LRIG1: variants seen among roughly 807,000 people sequenced by gnomAD.
LRIG1 encodes the protein leucine-rich repeats and immunoglobulin-like domains protein 1.
LRIG1 carries 48 observed loss-of-function variants against 99.2 expected under a neutral mutation model. That is an observed-to-expected ratio of 0.48 (90% CI 0.38 to 0.62). LRIG1 has a LOEUF of 0.62. Among genes scored for constraint, LRIG1 ranks in the 20% least tolerant of loss-of-function variants. The pLI, the probability that LRIG1 is intolerant of heterozygous loss-of-function variation, is 0.00. For synonymous variants in LRIG1, 772 were observed against 596.1 expected, an observed-to-expected ratio of 1.29 and a Z score of -4.30; for missense variants, 1,646 against 1,434.4, an observed-to-expected ratio of 1.15 and a Z score of -2.38.
At chr3:66,403,123 C>T (rs547950511) in intron 9 of LRIG1, among the ~76,000 whole-genome samples, 4 of 152,258 alleles carry the variant, frequency 2.6e-5, no homozygotes, top group South Asian at 2.1e-4. Context: ...TGACACAGTG[C>T]CAATCCTCCT....
chr3:66,425,006 G>T (rs1702933305), intron 3 of LRIG1, among the ~76,000 whole-genome samples: 1 of 152,200 alleles, frequency 6.6e-6, no homozygotes, highest in Non-Finnish European at 1.5e-5. Context: ...TTTGCTTAAT[G>T]ATATTTTCAA....
intron 14 of LRIG1, 63 bp downstream of exon 14, chr3:66,383,928 T>TA: frequency 6.4e-7 from 1 of 1,560,592 alleles, no homozygotes; most frequent in South Asian, 1.2e-5. Flanking sequence ...ACAGAGCATT[T>TA]GAGAGTCTCT....
At chr3:66,404,110 A>G in intron 9 of LRIG1, 1 of 486,308 alleles carries the variant, frequency 2.1e-6, no homozygotes, top group South Asian at 1.7e-5. Context: ...ACGCTCAAGA[A>G]GTACCTTCTT....
intron 1 of LRIG1, among the ~76,000 whole-genome samples, chr3:66,498,805 T>C (rs1422494689): frequency 6.6e-6 from 1 of 152,236 alleles, no homozygotes; most frequent in Non-Finnish European, 1.5e-5. Flanking sequence ...TACTTGTTCA[T>C]GGAGCAGTGT....
At chr3:66,485,625 G>C (rs1700954644) in intron 1 of LRIG1, among the ~76,000 whole-genome samples, 1 of 152,142 alleles carries the variant, frequency 6.6e-6, no homozygotes, top group African/African-American at 2.4e-5. Context: ...TTTATAAATA[G>C]TTTACTTTTT....
intron 3 of LRIG1, among the ~76,000 whole-genome samples, chr3:66,433,640 AAT>A (rs2106751775): frequency 6.6e-6 from 1 of 152,370 alleles, no homozygotes; most frequent in Non-Finnish European, 1.5e-5. Flanking sequence ...TACGATTTAC[AAT>A]ATCTCTTACC....
At chr3:66,407,714 T>C (rs562442660) in intron 7 of LRIG1, among the ~76,000 whole-genome samples, 137 of 152,256 alleles carry the variant, frequency 9.0e-4, no homozygotes, top group African/African-American at 3.1e-3. Flanking sequence ...GTCTGACTCG[T>C]AGAATGGGTG....
intron 5 of LRIG1, 61 bp from the exon 6 acceptor site, chr3:66,413,075 T>C: frequency 6.3e-7 from 1 of 1,587,038 alleles, no homozygotes. Flanking sequence ...CCACAACCAT[T>C]CTGAAGCAGT....
At chr3:66,393,980 G>A in intron 12 of LRIG1, 60 bp downstream of exon 12, 1 of 1,566,836 alleles carries the variant, frequency 6.4e-7, no homozygotes, top group South Asian at 1.1e-5. Flanking sequence ...ATAATGAAGA[G>A]TACCTCCTGG....
intron 8 of LRIG1, 41 bp from the exon 9 acceptor site, chr3:66,405,319 C>T (rs763912485): frequency 1.4e-5 from 22 of 1,526,900 alleles, no homozygotes; most frequent in South Asian, 4.5e-5. Flanking sequence ...GCAGTCGGGG[C>T]GTGAAGGGAA....
At chr3:66,395,550 T>TC (rs1330585744) in intron 11 of LRIG1, among the ~76,000 whole-genome samples, 4 of 152,328 alleles carry the variant, frequency 2.6e-5, no homozygotes, top group Admixed American at 2.6e-4. Flanking sequence ...AAATAACTTA[T>TC]CTCAAGGCCA....
At chr3:66,495,321 T>G (rs1701201498) in intron 1 of LRIG1, among the ~76,000 whole-genome samples, 1 of 152,220 alleles carries the variant, frequency 6.6e-6, no homozygotes, top group South Asian at 2.1e-4. Flanking sequence ...CCATCAGCCT[T>G]TGAAACTGCA....
intron 3 of LRIG1, among the ~76,000 whole-genome samples, chr3:66,445,383 G>T (rs1015149406): frequency 2.0e-5 from 3 of 151,992 alleles, no homozygotes; most frequent in Non-Finnish European, 4.4e-5. Context: ...AAAGTAGCAT[G>T]GGGACCTATA....
At chr3:66,449,624 G>A (rs1167331589) in intron 3 of LRIG1, among the ~76,000 whole-genome samples, 1 of 152,180 alleles carries the variant, frequency 6.6e-6, no homozygotes, top group African/African-American at 2.4e-5. Flanking sequence ...CCTGCCTCTG[G>A]CACAGTGTGG....
chr3:66,380,208 T>TCCTACCTCTCTTTCCCG lies in LRIG1; in HGVS notation c.*38_*54dup. ...TGAACCCAAGCTTCCTCGCAGCCTC[T>TCCTACCTCTCTTTCCCG]CCTACCTCTCTTTCCCGTAGAGATT... is the stretch of plus-strand genomic sequence containing the variant. On this transcript the variant is annotated 3_prime_UTR_variant, in exon 19 of 19. Transcript: ENST00000273261. 7 of 1,471,710 alleles carry TCCTACCTCTCTTTCCCG rather than the reference T, an allele frequency of 4.8e-6. No individual in the cohort carries two copies. The highest frequency in any genetic ancestry group is 6.5e-6 in the Non-Finnish European group (7 of 1,076,820). The allele number at this position is 1,471,710 out of a possible 1,614,324, so 91.2% of individuals were successfully genotyped here.
At chr3:66,498,262 G>C (rs1256754111) in intron 1 of LRIG1, 1 of 152,156 alleles carries the variant, frequency 6.6e-6, no homozygotes, top group Non-Finnish European at 1.5e-5. Flanking sequence ...TCAAATGTGT[G>C]AGTAAAAGAG....
intron 3 of LRIG1, among the ~76,000 whole-genome samples, chr3:66,449,915 G>A (rs1192062070): frequency 6.6e-6 from 1 of 152,178 alleles, no homozygotes; most frequent in Non-Finnish European, 1.5e-5. Flanking sequence ...AGTAGTGTTG[G>A]CATTAAGCCT....
At chr3:66,448,454 G>A (rs534142056) in intron 3 of LRIG1, among the ~76,000 whole-genome samples, 3 of 152,330 alleles carry the variant, frequency 2.0e-5, no homozygotes, top group Admixed American at 1.3e-4. Context: ...AACAACAGTG[G>A]TTATTGGTCA....
At chr3:66,448,179 T>C (rs1364189162) in intron 3 of LRIG1, among the ~76,000 whole-genome samples, 2 of 152,238 alleles carry the variant, frequency 1.3e-5, no homozygotes, top group Non-Finnish European at 2.9e-5. Flanking sequence ...TTTTGCTCTA[T>C]GACTCCAGTT....
Sources: allele counts gnomAD v4.1 joint callset (sites outside exome capture counted in the v4.1 genomes callset), GRCh38; gene constraint gnomAD v4.1.1; transcripts MANE v1.5; gene names NCBI Gene and HGNC (gene_info 2026-07-23, HGNC 2026-07-21).